The following ULK4 variants were observed in gnomAD, a reference collection of about 807,000 sequenced individuals.
The protein encoded by ULK4 is unc-51 like kinase 4.
Under a neutral mutation model 160.6 loss-of-function variants are expected in ULK4, and 133 were observed. The ratio of observed to expected loss-of-function variants is 0.83; its 90% CI spans 0.72 to 0.96. The LOEUF (loss-of-function observed/expected upper bound fraction) is 0.96. Among genes scored for constraint, ULK4 ranks in the 40% least tolerant of loss-of-function variants. The pLI is 0.00. For missense variants in ULK4, 1,580 were observed against 1,499.5 expected (o/e 1.05, Z -0.89); for synonymous variants, 534 against 539.8 (o/e 0.99, Z 0.15).
chr3:41,390,359 T>C (rs1258219287), intron 35 of ULK4, among the ~76,000 whole-genome samples: 1 of 152,206 alleles, frequency 6.6e-6, no homozygotes, highest in Admixed American at 6.5e-5. Flanking sequence ...TTTGTGTCTC[T>C]ATTTCCTTCA....
intron 17 of ULK4, among the ~76,000 whole-genome samples, chr3:41,864,574 C>A (rs933207874): frequency 6.6e-6 from 1 of 152,004 alleles, no homozygotes; most frequent in Non-Finnish European, 1.5e-5. Context: ...CTCTTTCTCA[C>A]GGTGACCTTG....
At chr3:41,942,540 G>T (rs7638173) in intron 2 of ULK4, among the ~76,000 whole-genome samples, 1 of 150,550 alleles carries the variant, frequency 6.6e-6, no homozygotes, top group Non-Finnish European at 1.5e-5. Context: ...TAAATAGGCC[G>T]GGCGCGGTGG....
intron 32 of ULK4, among the ~76,000 whole-genome samples, chr3:41,467,993 C>T (rs560473787): frequency 5.9e-5 from 9 of 152,176 alleles, no homozygotes; most frequent in African/African-American, 2.2e-4. Context: ...TAGAGAAATG[C>T]TTCAGGAAGA....
chr3:41,697,471 T>C (rs755964619), intron 27 of ULK4, among the ~76,000 whole-genome samples: 5 of 152,082 alleles, frequency 3.3e-5, no homozygotes, highest in Non-Finnish European at 7.4e-5. Context: ...ATAAAGAAAA[T>C]ATTTTTGTAG....
chr3:41,416,163 T>C (rs9866871), intron 34 of ULK4, among the ~76,000 whole-genome samples: 86,826 of 151,952 alleles, frequency 0.57, 26,337 homozygotes, highest in African/African-American at 0.8. Context: ...AGGACAAGAG[T>C]TTCAAGACCT....
intron 5 of ULK4, among the ~76,000 whole-genome samples, chr3:41,930,815 G>T (rs578116954): frequency 6.6e-6 from 1 of 152,264 alleles, no homozygotes; most frequent in East Asian, 1.9e-4. Flanking sequence ...AGTCAGAATG[G>T]CAATTATTAA....
chr3:41,372,404 G>A (rs1027589870), intron 35 of ULK4, among the ~76,000 whole-genome samples: 1 of 152,084 alleles, frequency 6.6e-6, no homozygotes, highest in Non-Finnish European at 1.5e-5. Context: ...AGAAAGGTCG[G>A]GTTACCCACA....
intron 32 of ULK4, among the ~76,000 whole-genome samples, chr3:41,485,087 C>T (rs1407553681): frequency 1.3e-5 from 2 of 152,152 alleles, no homozygotes; most frequent in African/African-American, 4.8e-5. Context: ...TTTACCATAT[C>T]TAAGGCATAT....
intron 32 of ULK4, among the ~76,000 whole-genome samples, chr3:41,510,458 A>G (rs552570144): frequency 5.2e-4 from 79 of 152,362 alleles, no homozygotes; most frequent in African/African-American, 1.9e-3. Flanking sequence ...CAATGGACTT[A>G]AACTATACCC....
At chr3:41,683,233 C>T (rs9826200) in intron 27 of ULK4, among the ~76,000 whole-genome samples, 2 of 152,072 alleles carry the variant, frequency 1.3e-5, no homozygotes, top group South Asian at 2.1e-4. Context: ...ACTGGCCTTA[C>T]GAGACCCAAA....
intron 19 of ULK4, among the ~76,000 whole-genome samples, chr3:41,817,396 C>A (rs1290240568): frequency 6.6e-6 from 1 of 151,896 alleles, no homozygotes; most frequent in African/African-American, 2.4e-5. Context: ...AATATGTGGA[C>A]AAAGAAAATG....
chr3:41,286,581 A>G (rs1413753872), intron 35 of ULK4, among the ~76,000 whole-genome samples: 1 of 152,112 alleles, frequency 6.6e-6, no homozygotes, highest in Non-Finnish European at 1.5e-5. Flanking sequence ...TAGAAAGAAG[A>G]GCTTCTCCAG....
chr3:41,629,143 T>G (rs748286256), intron 30 of ULK4, among the ~76,000 whole-genome samples: 2 of 152,172 alleles, frequency 1.3e-5, no homozygotes, highest in Non-Finnish European at 2.9e-5. Flanking sequence ...ATGAAGTTCA[T>G]GGATTCTGTG....
chr3:41,687,055 C>G (rs1014409329), intron 27 of ULK4, among the ~76,000 whole-genome samples: 2 of 150,900 alleles, frequency 1.3e-5, no homozygotes, highest in African/African-American at 4.9e-5. Flanking sequence ...TGCACTCCAG[C>G]CTGGGCGACA....
chr3:41,318,774 T>G (rs1177417294), intron 35 of ULK4, among the ~76,000 whole-genome samples: 3 of 152,154 alleles, frequency 2.0e-5, no homozygotes, highest in Admixed American at 6.5e-5. Context: ...GAAAAACAAC[T>G]TGGATGTGGT....
intron 31 of ULK4, among the ~76,000 whole-genome samples, chr3:41,598,225 C>T (rs1051617398): frequency 1.3e-5 from 2 of 152,206 alleles, no homozygotes; most frequent in Admixed American, 1.3e-4. Flanking sequence ...CTTCAGCCTG[C>T]CATGCCCAGT....
intron 30 of ULK4, among the ~76,000 whole-genome samples, chr3:41,647,046 G>A (rs1208283401): frequency 6.6e-6 from 1 of 152,100 alleles, no homozygotes; most frequent in Non-Finnish European, 1.5e-5. Flanking sequence ...AGCTCCATCA[G>A]CTCCTTTAAG....
intron 35 of ULK4, among the ~76,000 whole-genome samples, chr3:41,388,440 G>A (rs1429044572): frequency 1.3e-5 from 2 of 151,962 alleles, no homozygotes; most frequent in Non-Finnish European, 1.5e-5. Context: ...TAGACATGAA[G>A]TCCTTGCCCA....
chr3:41,650,540 G>T (rs1158681083), intron 30 of ULK4, among the ~76,000 whole-genome samples: 1 of 152,236 alleles, frequency 6.6e-6, no homozygotes, highest in Non-Finnish European at 1.5e-5. Context: ...GGCACTTGGA[G>T]CTGCCCACCC....
Sources: allele counts gnomAD v4.1 joint callset (sites outside exome capture counted in the v4.1 genomes callset), GRCh38; gene constraint gnomAD v4.1.1; transcripts MANE v1.5; gene names NCBI Gene and HGNC (gene_info 2026-07-23, HGNC 2026-07-21).